Variants in ATL1 observed in about 807,000 individuals in gnomAD.
ATL1 encodes the protein atlastin-1.
ATL1 carries 31 observed loss-of-function variants against 75.5 expected under a neutral mutation model. That is an observed-to-expected ratio of 0.41 (90% CI 0.31 to 0.55). The LOEUF (loss-of-function observed/expected upper bound fraction) is 0.55. ATL1 is among the 20% of genes least tolerant of loss of function. The pLI is 0.27. For synonymous variants in ATL1, 226 were observed against 233.3 expected (o/e 0.97, Z 0.28); for missense variants, 405 against 662.6 (o/e 0.61, Z 4.27).
At chr14:50,548,465 GC>G (rs2038662090) in intron 1 of ATL1, among the ~76,000 whole-genome samples, 1 of 152,150 alleles carries the variant, frequency 6.6e-6, no homozygotes, top group Non-Finnish European at 1.5e-5. Context: ...AGGGTTTGTG[GC>G]AAAAGCAGCC....
chr14:50,573,533 G>A (rs765791681), intron 1 of ATL1, among the ~76,000 whole-genome samples: 18 of 152,122 alleles, frequency 1.2e-4, no homozygotes, highest in South Asian at 2.1e-4. Flanking sequence ...GTTGAAATTC[G>A]ATTTATGTAC....
intron 1 of ATL1, among the ~76,000 whole-genome samples, chr14:50,575,631 G>GT (rs2038998861): frequency 6.6e-6 from 1 of 152,098 alleles, no homozygotes; most frequent in Non-Finnish European, 1.5e-5. Context: ...TTAAGAAAAA[G>GT]TAACAGTTCT....
intron 1 of ATL1, among the ~76,000 whole-genome samples, chr14:50,542,075 A>G (rs974209826): frequency 5.8e-5 from 8 of 138,324 alleles, no homozygotes; most frequent in Non-Finnish European, 1.1e-4. Flanking sequence ...GCTGACAGCT[A>G]TTGTCTGTTT....
chr14:50,596,819 A>G (rs1245870776), intron 6 of ATL1, among the ~76,000 whole-genome samples: 1 of 152,210 alleles, frequency 6.6e-6, no homozygotes, highest in African/African-American at 2.4e-5. Context: ...ATTAAATGCT[A>G]TCATGAAAAT....
chr14:50,541,825 G>T (rs896147699), intron 1 of ATL1, among the ~76,000 whole-genome samples: 1 of 151,562 alleles, frequency 6.6e-6, no homozygotes, highest in South Asian at 2.1e-4. Context: ...TTGAGATCAC[G>T]GTGAAACCCC....
rs542906089 is a variant in ATL1, at chr14:50,590,692, G to A, written c.283-249G>A. On this transcript the variant is annotated intron_variant, in intron 2 of 13. Coordinates refer to ENST00000358385, the MANE Select transcript of ATL1 (RefSeq NM_015915.5). ...TGCATGTCTGTCTCGCTGTTAGGCTGTGAATTTCCTCTGGTCTGCAATGAT... is the reference window on the plus strand; with the variant it reads ...TGCATGTCTGTCTCGCTGTTAGGCTATGAATTTCCTCTGGTCTGCAATGAT... 2.6e-5 allele frequency among the ~76,000 whole-genome samples: 4 copies of A among 152,228 alleles called. No homozygotes were observed. The East Asian group carries it at 5.8e-4, about 22-fold the overall frequency.
chr14:50,590,146 G>C (rs960044552), intron 2 of ATL1, among the ~76,000 whole-genome samples: 4 of 152,028 alleles, frequency 2.6e-5, no homozygotes, highest in African/African-American at 9.7e-5. Context: ...CTGCTGTCCT[G>C]GCCCTGGTCA....
Position 50,616,409 on chromosome 14 carries a change from G to A in ATL1, c.862+1898G>A, listed in dbSNP as rs571055752. 2.0e-5 allele frequency among the ~76,000 whole-genome samples: 3 copies of A among 152,202 alleles called. 1 individual carries two copies. The highest frequency in any genetic ancestry group is 7.2e-5 in the African/African-American group (3 of 41,550). On this transcript the variant is annotated intron_variant, in intron 8 of 13. Coordinates refer to ENST00000358385, the MANE Select transcript of ATL1 (RefSeq NM_015915.5). ...ACTATTGAGCTCACACAATCCTCCT[G>A]CTTCAGCCTCCCAAATAGGACTACA... is the stretch of plus-strand genomic sequence containing the variant.
chr14:50,597,489 G>A (rs959651810), intron 6 of ATL1, among the ~76,000 whole-genome samples: 27 of 152,076 alleles, frequency 1.8e-4, no homozygotes, highest in African/African-American at 2.4e-4. Flanking sequence ...ATTTACTACC[G>A]GAGAGGAGAA....
chr14:50,560,438 T>C, intron 1 of ATL1, 139 bp downstream of exon 1: 2 of 1,174,048 alleles, frequency 1.7e-6, no homozygotes, highest in East Asian at 2.6e-5. Context: ...GCCGAGCCGC[T>C]CCCTGTTTGG....
intron 1 of ATL1, among the ~76,000 whole-genome samples, chr14:50,547,876 C>A (rs1207624122): frequency 6.6e-6 from 1 of 152,176 alleles, no homozygotes; most frequent in Non-Finnish European, 1.5e-5. Flanking sequence ...AATGGACTTT[C>A]CAGGTACTAC....
upstream of ATL1, among the ~76,000 whole-genome samples, chr14:50,558,657 G>A (rs73289891): frequency 5.5e-3 from 843 of 151,898 alleles, 4 homozygotes; most frequent in African/African-American, 0.019. Context: ...TTTCTTTTTT[G>A]TGTGTAATCT....
At chr14:50,552,943 G>A (rs1466033630) in intron 1 of ATL1, among the ~76,000 whole-genome samples, 1 of 152,054 alleles carries the variant, frequency 6.6e-6, no homozygotes, top group African/African-American at 2.4e-5. Context: ...TTATAGACAT[G>A]GGCTTAGGCA....
At chr14:50,579,468 G>C (rs1282772535) in intron 1 of ATL1, among the ~76,000 whole-genome samples, 1 of 151,980 alleles carries the variant, frequency 6.6e-6, no homozygotes, top group African/African-American at 2.4e-5. Flanking sequence ...TTGGCTTTTT[G>C]CCTTTCCATA....
intron 1 of ATL1, among the ~76,000 whole-genome samples, chr14:50,582,659 C>T (rs954392693): frequency 3.3e-5 from 5 of 151,028 alleles, no homozygotes; most frequent in African/African-American, 9.7e-5. Flanking sequence ...CTCTTGACCT[C>T]AAATGATCCA....
In ATL1 at chr14:50,560,145, A is replaced by T; in HGVS notation, c.-121A>T. 8.4e-7 allele frequency: 1 copy of T among 1,186,472 alleles called. No individual in the cohort carries two copies. The highest frequency in any genetic ancestry group is 2.0e-4 in the Middle Eastern group (1 of 5,040). 73.5% of individuals were successfully genotyped at this position (1,186,472 alleles called of 1,614,324 possible). A position where few individuals can be genotyped will look rare whatever the true frequency, so the allele number is the denominator to read the frequency against. Reference sequence around the variant, plus strand: ...CCACCAGCGCCACAGCAACATCCTCAGAGTCTGAGCGAACTGCGCCCAGCG... The same window carrying T: ...CCACCAGCGCCACAGCAACATCCTCTGAGTCTGAGCGAACTGCGCCCAGCG... On this transcript the variant is annotated 5_prime_UTR_variant, in exon 1 of 14. Coordinates refer to ENST00000358385, the MANE Select transcript of ATL1 (RefSeq NM_015915.5).
At chr14:50,571,727 A>G (rs1043101445) in intron 1 of ATL1, among the ~76,000 whole-genome samples, 1 of 152,134 alleles carries the variant, frequency 6.6e-6, no homozygotes, top group African/African-American at 2.4e-5. Flanking sequence ...GGGTTTGCTA[A>G]TCTTTAGATT....
At chr14:50,541,581 G>T (rs780653251) in intron 1 of ATL1, among the ~76,000 whole-genome samples, 2 of 152,264 alleles carry the variant, frequency 1.3e-5, no homozygotes, top group South Asian at 2.1e-4. Context: ...ACTACATAAT[G>T]TACTACAGAG....
intron 6 of ATL1, among the ~76,000 whole-genome samples, chr14:50,608,506 A>G (rs1368510963): frequency 3.3e-5 from 5 of 152,082 alleles, no homozygotes. Flanking sequence ...CCAGTTTATC[A>G]GCACATCACT....
Sources: gnomAD v4.1 joint callset for allele counts (sites outside exome capture counted in the v4.1 genomes callset) on GRCh38, gnomAD v4.1.1 for gene constraint, MANE v1.5 for transcripts, NCBI Gene and HGNC (gene_info 2026-07-23, HGNC 2026-07-21) for gene names.